Variants in PDE4B observed in about 807,000 individuals in gnomAD.
PDE4B encodes the protein phosphodiesterase 4B.
PDE4B carries 20 observed loss-of-function variants against 82.2 expected under a neutral mutation model. The ratio of observed to expected loss-of-function variants is 0.24; its 90% CI spans 0.17 to 0.35. PDE4B has a LOEUF of 0.35. Ranked by LOEUF, PDE4B falls within the 10% of genes least tolerant of loss-of-function variation. PDE4B has a pLI of 1.00. For missense variants in PDE4B, 655 were observed against 907.2 expected (o/e 0.72, Z 3.57); for synonymous variants, 320 against 318.9 (o/e 1.00, Z -0.04).
At chr1:66,063,637 A>G (rs560447779) in intron 3 of PDE4B, among the ~76,000 whole-genome samples, 2 of 152,142 alleles carry the variant, frequency 1.3e-5, no homozygotes, top group South Asian at 4.1e-4. Flanking sequence ...GGGAATATTC[A>G]ATATCCCAAC....
chr1:66,156,101 T>C (rs978574443), intron 3 of PDE4B, among the ~76,000 whole-genome samples: 40 of 152,290 alleles, frequency 2.6e-4, no homozygotes, highest in Admixed American at 7.9e-4. Flanking sequence ...CAAAACCTAA[T>C]ATTACCTTAA....
chr1:66,228,539 G>A (rs1430097530), intron 3 of PDE4B, among the ~76,000 whole-genome samples: 4 of 151,858 alleles, frequency 2.6e-5, no homozygotes, highest in Non-Finnish European at 5.9e-5. Context: ...CAGGAGAATG[G>A]CATGAACCCG....
intron 1 of PDE4B, among the ~76,000 whole-genome samples, chr1:65,906,546 A>C (rs1486102287): frequency 6.6e-6 from 1 of 152,136 alleles, no homozygotes; most frequent in Non-Finnish European, 1.5e-5. Context: ...AAAATAATTC[A>C]ACTCTTTAAA....
chr1:66,338,526 A>T (rs1660696646), intron 8 of PDE4B, among the ~76,000 whole-genome samples: 1 of 152,198 alleles, frequency 6.6e-6, no homozygotes, highest in Non-Finnish European at 1.5e-5. Flanking sequence ...AAATGGTTAT[A>T]AAGTGCTCAT....
intron 3 of PDE4B, among the ~76,000 whole-genome samples, chr1:66,181,934 GA>G (rs1297983196): frequency 9.2e-5 from 14 of 151,682 alleles, no homozygotes; most frequent in African/African-American, 1.2e-4. Flanking sequence ...AAAATAGAGG[GA>G]AAAAAAGATA....
chr1:66,289,210 A>G (rs1039999695), intron 7 of PDE4B, among the ~76,000 whole-genome samples: 8 of 152,162 alleles, frequency 5.3e-5, no homozygotes, highest in African/African-American at 1.7e-4. Flanking sequence ...AGAGGCTACA[A>G]TGAGCCATGA....
chr1:66,102,166 G>A (rs370842476), intron 3 of PDE4B, among the ~76,000 whole-genome samples: 5 of 152,030 alleles, frequency 3.3e-5, no homozygotes, highest in African/African-American at 1.2e-4. Context: ...TATTTCTGAG[G>A]CCTCTATTCC....
intron 1 of PDE4B, among the ~76,000 whole-genome samples, chr1:65,863,927 C>T (rs1646481969): frequency 6.6e-6 from 1 of 152,122 alleles, no homozygotes; most frequent in African/African-American, 2.4e-5. Context: ...CTGAATGCAG[C>T]ACACTGATGG....
chr1:66,103,905 A>G (rs1183565136), intron 3 of PDE4B, among the ~76,000 whole-genome samples: 1 of 152,064 alleles, frequency 6.6e-6, no homozygotes, highest in Non-Finnish European at 1.5e-5. Context: ...AAATGAAATT[A>G]AGATCGAGAG....
intron 3 of PDE4B, among the ~76,000 whole-genome samples, chr1:65,992,024 T>C (rs1413408035): frequency 6.6e-6 from 1 of 152,202 alleles, no homozygotes; most frequent in Non-Finnish European, 1.5e-5. Flanking sequence ...GGGTAATGTT[T>C]ATTGTAATAA....
chr1:66,042,526 A>G (rs1384219180), intron 3 of PDE4B: 1 of 151,808 alleles, frequency 6.6e-6, no homozygotes, highest in Non-Finnish European at 1.5e-5. Context: ...GTATTTATTT[A>G]TTGAATTCAA....
intron 3 of PDE4B, among the ~76,000 whole-genome samples, chr1:66,099,466 C>A (rs1345202128): frequency 1.3e-5 from 2 of 152,038 alleles, no homozygotes; most frequent in Non-Finnish European, 2.9e-5. Flanking sequence ...TAGTGGATGC[C>A]ACTTAATGTG....
intron 3 of PDE4B, among the ~76,000 whole-genome samples, chr1:66,026,820 C>T (rs536051923): frequency 1.3e-5 from 2 of 152,290 alleles, no homozygotes; most frequent in South Asian, 2.1e-4. Context: ...AACACAAATG[C>T]GTGTTCTTCA....
intron 3 of PDE4B, among the ~76,000 whole-genome samples, chr1:66,213,219 G>A (rs370358243): frequency 6.6e-6 from 1 of 152,182 alleles, no homozygotes; most frequent in Non-Finnish European, 1.5e-5. Flanking sequence ...GTGAATAATT[G>A]TCTCAAGAAA....
chr1:65,928,266 T>A (rs1270917409), intron 3 of PDE4B, among the ~76,000 whole-genome samples: 2 of 151,386 alleles, frequency 1.3e-5, no homozygotes, highest in African/African-American at 4.9e-5. Context: ...GAGGGGCCAT[T>A]ATTCTCTGTT....
chr1:65,885,855 T>TATA (rs34224891), intron 1 of PDE4B, among the ~76,000 whole-genome samples: 18,610 of 141,224 alleles, frequency 0.13, 1,204 homozygotes, highest in South Asian at 0.17. Context: ...AAACTTAACG[T>TATA]ATAATAATAA....
intron 3 of PDE4B, among the ~76,000 whole-genome samples, chr1:66,109,600 A>T (rs1192530450): frequency 6.6e-6 from 1 of 151,938 alleles, no homozygotes; most frequent in African/African-American, 2.4e-5. Context: ...GATAATACTA[A>T]GTTCTAATCT....
At position 65,793,018 on chromosome 1, in the gene PDE4B, G is replaced by A. The variant is rs1645589325; in HGVS notation, c.-301G>A. Among the ~76,000 whole-genome samples, 1 of 151,806 alleles carries A rather than the reference G, an allele frequency of 6.6e-6. No homozygotes were observed. Among genetic ancestry groups the A allele is most frequent in the African/African-American group, 2.4e-5 (1 of 41,390 alleles). On this transcript the variant is annotated 5_prime_UTR_variant, in exon 1 of 17. Coordinates refer to ENST00000341517, the MANE Select transcript of PDE4B (RefSeq NM_002600.4). ...CCCGGCCCGCGCGCCCCTTCCCGGGGCTCCTGGCCTCGCCTCAGCGGCTGC... is the reference window on the plus strand; with the variant it reads ...CCCGGCCCGCGCGCCCCTTCCCGGGACTCCTGGCCTCGCCTCAGCGGCTGC...
rs1035396767 is a variant in PDE4B at position 66,236,723 on chromosome 1, G to A, written c.282-10737G>A. 5.3e-5 allele frequency among the ~76,000 whole-genome samples: 8 copies of A among 152,274 alleles called. No homozygotes were observed. The South Asian group carries it at 1.7e-3, about 32-fold the overall frequency. On this transcript the variant is annotated intron_variant, in intron 3 of 16. Transcript: ENST00000341517. ...AAGGGTAGACCATGAGTAGGTGAGG[G>A]AGGACAGGGTTCAGGACAGAGGAGT... is the stretch of plus-strand genomic sequence containing the variant.
Sources: allele counts gnomAD v4.1 joint callset (sites outside exome capture counted in the v4.1 genomes callset), GRCh38; gene constraint gnomAD v4.1.1; transcripts MANE v1.5; gene names NCBI Gene and HGNC (gene_info 2026-07-23, HGNC 2026-07-21).